CDKL2: variants seen among roughly 807,000 people sequenced by gnomAD.
CDKL2 encodes the protein cyclin dependent kinase like 2, also known as cyclin-dependent kinase-like 2.
Under a neutral mutation model 63.9 loss-of-function variants are expected in CDKL2, and 64 were observed. That is an observed-to-expected ratio of 1.00 (90% CI 0.82 to 1.23). The LOEUF is 1.23. Ranked by LOEUF, CDKL2 falls within the 50% of genes most tolerant of loss-of-function variation. CDKL2 has a pLI of 0.00. For synonymous variants in CDKL2, 211 were observed against 229.2 expected, an observed-to-expected ratio of 0.92 and a Z score of 0.72; for missense variants, 656 against 668.0, an observed-to-expected ratio of 0.98 and a Z score of 0.20.
chr4:75,581,669 T>C (rs1228207762), intron 13 of CDKL2, 141 bp downstream of exon 13: 9 of 548,358 alleles, frequency 1.6e-5, no homozygotes, highest in East Asian at 2.8e-5. Context: ...GTTTTCTAAG[T>C]GGCACAACTC....
rs143138373 is a variant in CDKL2 at position 75,596,794 on chromosome 4, G to A, written c.1322+141C>T. On this transcript the variant is annotated intron_variant, in intron 9 of 13. Transcript: ENST00000307465. ...ATAATCTTCATCACACAGCCAAAAA[G>A]TCTTTTGAAACAGCTACCTGACAAG... The A allele has an allele frequency of 1.1e-3, 798 of 710,040 alleles. 5 individuals are homozygous for A. The highest frequency in any genetic ancestry group is 0.011 in the African/African-American group (600 of 56,070). The allele number at this position is 710,040 out of a possible 1,614,324, so 44.0% of individuals were successfully genotyped here. A position where few individuals can be genotyped will look rare whatever the true frequency, so the allele number is the denominator to read the frequency against.
Position 75,605,405 on chromosome 4 carries a change from C to T in CDKL2, c.655+117G>A. 4 of 631,790 alleles carry T rather than the reference C, an allele frequency of 6.3e-6. No homozygotes were observed. The South Asian group carries it at 8.1e-5, about 13-fold the overall frequency. 39.1% of individuals were successfully genotyped at this position (631,790 alleles called of 1,614,324 possible). A position where few individuals can be genotyped will look rare whatever the true frequency, so the allele number is the denominator to read the frequency against. On this transcript the variant is annotated intron_variant, in intron 5 of 13. Coordinates refer to ENST00000307465, the MANE Select transcript of CDKL2 (RefSeq NM_001330724.2). ...CAGAGTTTTCCTATATGCTCCCTAC[C>T]TTCACTTAAAACATATATAATCTTT...
Position 75,596,235 on chromosome 4 carries a change from C to A in CDKL2, c.1416+12G>T. 1.3e-6 allele frequency: 2 copies of A among 1,506,386 alleles called. No individual in the cohort carries two copies. The highest frequency in any genetic ancestry group is 9.2e-7 in the Non-Finnish European group (1 of 1,082,328). The allele number at this position is 1,506,386 out of a possible 1,614,324, so 93.3% of individuals were successfully genotyped here. On this transcript the variant is annotated intron_variant, in intron 10 of 13. Coordinates refer to ENST00000307465, the MANE Select transcript of CDKL2 (RefSeq NM_001330724.2). ...GTGTTTGCTCTTCTACTACTGAGAA[C>A]TGCTTACTTACTAATGTGGTCACAT...
chr4:75,591,973 T>C (rs1054392131), intron 11 of CDKL2, 48 bp from the exon 12 acceptor site: 2 of 1,448,882 alleles, frequency 1.4e-6, no homozygotes, highest in African/African-American at 2.8e-5. Flanking sequence ...GACATTTTGT[T>C]AGTTTTTAGT....
At chr4:75,594,177 G>A (rs1328374150) in intron 10 of CDKL2, among the ~76,000 whole-genome samples, 2 of 152,052 alleles carry the variant, frequency 1.3e-5, no homozygotes, top group Admixed American at 6.6e-5. Flanking sequence ...GCCAGCCCTG[G>A]TGGCTCACGC....
At chr4:75,591,154 T>C (rs1728696899) in intron 12 of CDKL2, among the ~76,000 whole-genome samples, 1 of 152,172 alleles carries the variant, frequency 6.6e-6, no homozygotes, top group South Asian at 2.1e-4. Flanking sequence ...ATAAAAACAA[T>C]TCCAGAGTTT....
intron 12 of CDKL2, among the ~76,000 whole-genome samples, chr4:75,585,763 T>C (rs1728451460): frequency 2.0e-5 from 3 of 151,870 alleles, no homozygotes; most frequent in Non-Finnish European, 4.4e-5. Context: ...TTGAAATAAA[T>C]TAATTAATTA....
intron 12 of CDKL2, among the ~76,000 whole-genome samples, chr4:75,583,516 T>C (rs970324941): frequency 6.6e-6 from 1 of 152,216 alleles, no homozygotes; most frequent in Non-Finnish European, 1.5e-5. Context: ...GAAATCTGCA[T>C]ATGTCTTCTT....
At chr4:75,597,726 T>G (rs771369451) in intron 8 of CDKL2, among the ~76,000 whole-genome samples, 2 of 152,226 alleles carry the variant, frequency 1.3e-5, no homozygotes, top group Non-Finnish European at 2.9e-5. Flanking sequence ...CATATAAATT[T>G]CTACAGACAA....
At chr4:75,614,130 A>G (rs1729823390) in intron 3 of CDKL2, 125 bp downstream of exon 3, 1 of 583,108 alleles carries the variant, frequency 1.7e-6, no homozygotes, top group African/African-American at 1.9e-5. Flanking sequence ...TGCACAGATG[A>G]AGTATTTAGT....
intron 12 of CDKL2, among the ~76,000 whole-genome samples, chr4:75,582,169 A>G (rs1332764246): frequency 6.6e-6 from 1 of 152,184 alleles, no homozygotes; most frequent in East Asian, 1.9e-4. Context: ...GTGTAAGCCC[A>G]CTACAGCCCA....
intron 7 of CDKL2, among the ~76,000 whole-genome samples, chr4:75,598,979 G>A (rs560014175): frequency 1.1e-4 from 16 of 152,142 alleles, no homozygotes; most frequent in South Asian, 4.1e-4. Flanking sequence ...TTACAATTCT[G>A]TTAAACTTGT....
At chr4:75,586,524 C>G (rs1331653195) in intron 12 of CDKL2, among the ~76,000 whole-genome samples, 1 of 152,090 alleles carries the variant, frequency 6.6e-6, no homozygotes, top group Non-Finnish European at 1.5e-5. Context: ...GCCACTGCGC[C>G]CAGCCTGGAC....
At chr4:75,610,354 A>G (rs972999824) in intron 3 of CDKL2, among the ~76,000 whole-genome samples, 1 of 152,186 alleles carries the variant, frequency 6.6e-6, no homozygotes, top group African/African-American at 2.4e-5. Flanking sequence ...GTGCATGATC[A>G]CCATGTTTCT....
In CDKL2 at chr4:75,586,956, A is replaced by T. The variant is rs576056767; in HGVS notation, c.1647+4863T>A. Among the ~76,000 whole-genome samples, 5 of 152,296 alleles carry T rather than the reference A, an allele frequency of 3.3e-5. No homozygotes were observed. In the East Asian group the frequency reaches 9.6e-4, roughly 29 times the overall value. ...TTGAGAGAATAAACTCAAAGTAAGT[A>T]AAAGGGGAAAACTAAGAGGAGACAT... On this transcript the variant is annotated intron_variant, in intron 12 of 13. Coordinates refer to ENST00000307465, the MANE Select transcript of CDKL2 (RefSeq NM_001330724.2).
chr4:75,627,968 G>A (rs1305511938), intron 1 of CDKL2, among the ~76,000 whole-genome samples: 4 of 148,694 alleles, frequency 2.7e-5, no homozygotes, highest in Non-Finnish European at 5.9e-5. Context: ...CGGTATATAA[G>A]CAGATTTTTA....
At chr4:75,580,436 C>T (rs115298558) in intron 13 of CDKL2, among the ~76,000 whole-genome samples, 1,665 of 151,982 alleles carry the variant, frequency 0.011, 20 homozygotes, top group African/African-American at 0.038. Flanking sequence ...GAGGCCAAGA[C>T]GGGCAGATCA....
At chr4:75,594,661 T>A (rs561960874) in intron 10 of CDKL2, among the ~76,000 whole-genome samples, 1 of 152,132 alleles carries the variant, frequency 6.6e-6, no homozygotes, top group South Asian at 2.1e-4. Flanking sequence ...CATAATGAGT[T>A]ACAAGACTTC....
chr4:75,607,054 T>C, intron 4 of CDKL2, 129 bp downstream of exon 4: 10 of 669,866 alleles, frequency 1.5e-5, no homozygotes, highest in Non-Finnish European at 2.2e-5. Context: ...TACAATTTAC[T>C]TTATATAGTC....
Sources: gnomAD v4.1 joint callset for allele counts (sites outside exome capture counted in the v4.1 genomes callset) on GRCh38, gnomAD v4.1.1 for gene constraint, MANE v1.5 for transcripts, NCBI Gene and HGNC (gene_info 2026-07-23, HGNC 2026-07-21) for gene names.